The following CBFA2T3 variants were observed in gnomAD, a reference collection of about 807,000 sequenced individuals.
The protein encoded by CBFA2T3 is transcriptional corepressor CBFA2T3.
CBFA2T3 carries 31 observed loss-of-function variants against 58.6 expected under a neutral mutation model. The ratio of observed to expected loss-of-function variants is 0.53; its 90% CI spans 0.40 to 0.71. The LOEUF is 0.71. CBFA2T3 is among the 30% of genes least tolerant of loss of function. The pLI is 0.00. For missense variants in CBFA2T3, 1,076 were observed against 963.1 expected (o/e 1.12, Z -1.55); for synonymous variants, 531 against 421.9 (o/e 1.26, Z -3.17).
At chr16:88,928,874 G>A (rs1264895331) in intron 1 of CBFA2T3, among the ~76,000 whole-genome samples, 2 of 152,206 alleles carry the variant, frequency 1.3e-5, no homozygotes, top group Non-Finnish European at 2.9e-5. Context: ...CGCAGGCGTC[G>A]GGGGGAGCAT....
intron 1 of CBFA2T3, among the ~76,000 whole-genome samples, chr16:88,975,180 A>ACCC (rs1567643994): frequency 2.0e-4 from 16 of 79,512 alleles, no homozygotes; most frequent in African/African-American, 2.7e-4. Context: ...TCTGCTCCAC[A>ACCC]TCTTTAGCCA....
intron 1 of CBFA2T3, among the ~76,000 whole-genome samples, chr16:88,918,169 C>A (rs1002097797): frequency 6.6e-6 from 1 of 152,152 alleles, no homozygotes; most frequent in Non-Finnish European, 1.5e-5. Flanking sequence ...GACCCTGGGC[C>A]GGGGATGCCT....
At position 88,884,976 on chromosome 16, in the gene CBFA2T3, A is replaced by T. The variant is rs1969298004; in HGVS notation, c.1117+70T>A. On this transcript the variant is annotated intron_variant, in intron 7 of 11. Coordinates refer to ENST00000268679, the MANE Select transcript of CBFA2T3 (RefSeq NM_005187.6). ...CGTGGTGCCCTGTGCCCACATGCTCAGGTGTACATGTGGGCGCATGTGTGC... is the reference window on the plus strand; with the variant it reads ...CGTGGTGCCCTGTGCCCACATGCTCTGGTGTACATGTGGGCGCATGTGTGC... 2.5e-6 allele frequency: 3 copies of T among 1,194,784 alleles called. No individual in the cohort carries two copies. The African/African-American group carries it at 4.6e-5, about 18-fold the overall frequency. The allele number at this position is 1,194,784 out of a possible 1,614,324, so 74.0% of individuals were successfully genotyped here.
intron 11 of CBFA2T3, among the ~76,000 whole-genome samples, chr16:88,877,998 C>A (rs1307982067): frequency 2.0e-5 from 3 of 152,246 alleles, no homozygotes; most frequent in African/African-American, 7.2e-5. Context: ...ACCTCGCCCT[C>A]ACTGCCACTG....
At chr16:88,890,183 T>G (rs1187813830) in intron 5 of CBFA2T3, among the ~76,000 whole-genome samples, 1 of 152,086 alleles carries the variant, frequency 6.6e-6, no homozygotes, top group Non-Finnish European at 1.5e-5. Flanking sequence ...GAGGCTGAGG[T>G]GGAAGATTCC....
intron 1 of CBFA2T3, among the ~76,000 whole-genome samples, chr16:88,903,903 G>A (rs1970200903): frequency 6.6e-6 from 1 of 152,370 alleles, no homozygotes; most frequent in African/African-American, 2.4e-5. Flanking sequence ...TTTGAGCCAC[G>A]AGACTTGAAT....
In CBFA2T3 at chr16:88,876,990, T is replaced by C. The variant is rs1001891180; in HGVS notation, c.1948A>G (p.Thr650Ala). ...GGCCAGTGGGGTCAGCGGGGCACGG[T>C]GTCCAGTGGGCCAGGTGGGCTGGGG... The part of the protein sequence containing the change: ...GSPSPPGPLD[T>A]VPR Residue 650 changes from threonine to alanine, a missense_variant, in exon 12 of 12, where the codon ACC (threonine) becomes GCC (alanine). By Grantham distance (58) the Thr-to-Ala change is moderately conservative. Transcript: ENST00000268679. 6.9e-7 allele frequency: 1 copy of C among 1,453,352 alleles called. No individual in the cohort carries two copies. The highest frequency in any genetic ancestry group is 1.5e-5 in the African/African-American group (1 of 68,930). 90.0% of individuals were successfully genotyped at this position (1,453,352 alleles called of 1,614,324 possible).
chr16:88,960,619 T>C (rs1258576759), intron 1 of CBFA2T3, among the ~76,000 whole-genome samples: 1 of 152,192 alleles, frequency 6.6e-6, no homozygotes, highest in Non-Finnish European at 1.5e-5. Flanking sequence ...AATGCAGACA[T>C]GATGCCTGGA....
chr16:88,910,537 C>T (rs1038737026), intron 1 of CBFA2T3, among the ~76,000 whole-genome samples: 18 of 152,262 alleles, frequency 1.2e-4, no homozygotes, highest in African/African-American at 3.1e-4. Flanking sequence ...CAGTGTCCTC[C>T]GGAGCCACCG....
intron 1 of CBFA2T3, among the ~76,000 whole-genome samples, chr16:88,909,490 G>A (rs116895175): frequency 0.016 from 2,409 of 152,096 alleles, 27 homozygotes; most frequent in Non-Finnish European, 0.024. Context: ...GACCCCGACG[G>A]CAGCTGGGAC....
At chr16:88,917,874 G>A (rs1876258291) in intron 1 of CBFA2T3, among the ~76,000 whole-genome samples, 2 of 152,192 alleles carry the variant, frequency 1.3e-5, no homozygotes, top group African/African-American at 4.8e-5. Flanking sequence ...AGGAGAGCGT[G>A]GGTGCGGACG....
Position 88,920,642 on chromosome 16 carries a change from C to T in CBFA2T3, c.152-18986G>A, listed in dbSNP as rs529075211. Among the ~76,000 whole-genome samples the T allele has an allele frequency of 1.1e-4, 17 of 152,320 alleles. 1 individual carries two copies. The highest frequency in any genetic ancestry group is 3.4e-3 in the Middle Eastern group (1 of 294). On this transcript the variant is annotated intron_variant, in intron 1 of 11. Coordinates refer to ENST00000268679, the MANE Select transcript of CBFA2T3 (RefSeq NM_005187.6). ...AACGGCCACAGGTGGTGCATGGTGA[C>T]GGAGTGGCAGGAGGCCCCACCACGC...
At chr16:88,952,986 G>A (rs943462595) in intron 1 of CBFA2T3, among the ~76,000 whole-genome samples, 1 of 97,812 alleles carries the variant, frequency 1.0e-5, no homozygotes, top group African/African-American at 4.1e-5. Context: ...CCCCACGCAG[G>A]GCCTGTGTCG....
At chr16:88,975,214 CTGCTCCTCACCTG>C (rs1972818062) in intron 1 of CBFA2T3, among the ~76,000 whole-genome samples, 6 of 133,058 alleles carry the variant, frequency 4.5e-5, no homozygotes, top group South Asian at 2.2e-4. Context: ...CCCTGACCCT[CTGCTCCTCACCTG>C]CAGCCATGTC....
chr16:88,901,340 G>C (rs1165098472), intron 2 of CBFA2T3, among the ~76,000 whole-genome samples, 164 bp downstream of exon 2: 1 of 152,236 alleles, frequency 6.6e-6, no homozygotes, highest in Non-Finnish European at 1.5e-5. Flanking sequence ...AGGGAAGCTG[G>C]GATTTGAACC....
intron 2 of CBFA2T3, among the ~76,000 whole-genome samples, chr16:88,899,734 C>T (rs1394384532): frequency 6.6e-6 from 1 of 152,224 alleles, no homozygotes; most frequent in Non-Finnish European, 1.5e-5. Context: ...GCTCAGCCCA[C>T]GGTGTTTGTC....
At chr16:88,877,762 G>C (rs897511369) in intron 11 of CBFA2T3, among the ~76,000 whole-genome samples, 2 of 152,080 alleles carry the variant, frequency 1.3e-5, no homozygotes, top group Admixed American at 6.5e-5. Flanking sequence ...AGGGTGAGTT[G>C]TGCCCTAGGC....
intron 1 of CBFA2T3, among the ~76,000 whole-genome samples, chr16:88,922,387 G>A (rs1480957265): frequency 6.6e-6 from 1 of 152,244 alleles, no homozygotes; most frequent in Non-Finnish European, 1.5e-5. Context: ...CAGGATTGAG[G>A]GGGCCGAGGG....
intron 1 of CBFA2T3, among the ~76,000 whole-genome samples, chr16:88,922,612 C>T (rs887112852): frequency 4.6e-5 from 7 of 152,340 alleles, no homozygotes; most frequent in East Asian, 1.9e-4. Flanking sequence ...GAGGCCTTCC[C>T]GAGGGCGGGG....
Sources: gnomAD v4.1 joint callset for allele counts (sites outside exome capture counted in the v4.1 genomes callset) on GRCh38, gnomAD v4.1.1 for gene constraint, MANE v1.5 for transcripts, NCBI Gene and HGNC (gene_info 2026-07-23, HGNC 2026-07-21) for gene names.